TYW1B: variants seen among roughly 807,000 people sequenced by gnomAD.
TYW1B encodes the protein tRNA-yW synthesizing protein 1 homolog B.
A neutral mutation model predicts 86.9 loss-of-function variants in TYW1B; 73 were observed. The ratio of observed to expected loss-of-function variants is 0.84; its 90% CI spans 0.70 to 1.02. TYW1B has a LOEUF of 1.02. Ranked by LOEUF, TYW1B falls within the 50% of genes least tolerant of loss-of-function variation. TYW1B has a pLI of 0.00. For missense variants in TYW1B, 637 were observed against 827.4 expected, an observed-to-expected ratio of 0.77 and a Z score of 2.82; for synonymous variants, 248 against 292.8, an observed-to-expected ratio of 0.85 and a Z score of 1.56.
chr7:72,828,010 G>A (rs1788971601), intron 1 of TYW1B, 62 bp downstream of exon 1: 1 of 1,607,808 alleles, frequency 6.2e-7, no homozygotes, highest in African/African-American at 1.3e-5. Context: ...CCCGGAGAGG[G>A]TCTCAGTAAA....
chr7:72,797,887 A>G (rs1788332331), intron 6 of TYW1B, among the ~76,000 whole-genome samples: 1 of 152,042 alleles, frequency 6.6e-6, no homozygotes, highest in Non-Finnish European at 1.5e-5. Context: ...GTCAGACACT[A>G]ACTCTGGGTA....
intron 2 of TYW1B, among the ~76,000 whole-genome samples, chr7:72,822,554 TG>T (rs1554480658): frequency 6.6e-6 from 1 of 152,244 alleles, no homozygotes; most frequent in African/African-American, 2.4e-5. Flanking sequence ...ACTAACATGC[TG>T]GAAGACAATG....
intron 13 of TYW1B, among the ~76,000 whole-genome samples, chr7:72,587,941 A>G (rs1170183337): frequency 6.6e-6 from 1 of 152,162 alleles, no homozygotes; most frequent in Non-Finnish European, 1.5e-5. Flanking sequence ...TAATTTTGCA[A>G]TGGTGGTTTC....
chr7:72,656,404 C>A (rs1431918186), intron 11 of TYW1B, among the ~76,000 whole-genome samples: 1 of 152,090 alleles, frequency 6.6e-6, no homozygotes, highest in Admixed American at 6.6e-5. Context: ...GATGAGGAAG[C>A]AAGAAAGCAT....
Position 72,611,905 on chromosome 7 carries a change from A to G in TYW1B, c.1785+4767T>C, listed in dbSNP as rs1165032415. 2.0e-5 allele frequency among the ~76,000 whole-genome samples: 3 copies of G among 152,246 alleles called. No individual in the cohort carries two copies. In the East Asian group the frequency reaches 5.8e-4, roughly 29 times the overall value. On this transcript the variant is annotated intron_variant, in intron 13 of 13. Coordinates refer to ENST00000620995, the MANE Select transcript of TYW1B (RefSeq NM_001145440.3). ...AACCACGAGCTCCTTGTGGGTGGGG[A>G]AAGACCAATAAAAGCAGCAGTAACA... is the stretch of plus-strand genomic sequence containing the variant.
intron 10 of TYW1B, among the ~76,000 whole-genome samples, chr7:72,703,661 C>G (rs1814544382): frequency 6.6e-6 from 1 of 151,662 alleles, no homozygotes; most frequent in Non-Finnish European, 1.5e-5. Context: ...TCGAGACCAG[C>G]CTAGCCAACA....
At chr7:72,729,069 G>A (rs1554459319) in intron 8 of TYW1B, 138 bp from the exon 9 acceptor site, 1 of 699,258 alleles carries the variant, frequency 1.4e-6, no homozygotes, top group Non-Finnish European at 2.4e-6. Flanking sequence ...ACGTATAGTG[G>A]TATTTTCCAA....
At chr7:72,593,668 A>G (rs1300258773) in intron 13 of TYW1B, among the ~76,000 whole-genome samples, 5 of 151,264 alleles carry the variant, frequency 3.3e-5, no homozygotes, top group Non-Finnish European at 5.9e-5. Flanking sequence ...TAAAAATACA[A>G]AAAATTAGCA....
intron 11 of TYW1B, among the ~76,000 whole-genome samples, chr7:72,632,931 A>G (rs1422097234): frequency 6.6e-6 from 1 of 152,128 alleles, no homozygotes; most frequent in Non-Finnish European, 1.5e-5. Context: ...CCCAAGCAGT[A>G]GTGAGGTGGG....
chr7:72,824,832 G>A (rs775561861), intron 2 of TYW1B, among the ~76,000 whole-genome samples: 5 of 151,996 alleles, frequency 3.3e-5, no homozygotes. Flanking sequence ...GACTGGGCAC[G>A]GTGGCTCACG....
chr7:72,822,012 G>A (rs1447049764), intron 2 of TYW1B, among the ~76,000 whole-genome samples: 22 of 151,672 alleles, frequency 1.5e-4, no homozygotes, highest in Admixed American at 1.2e-3. Flanking sequence ...TTCAGTAGCC[G>A]AGGCGGGTGA....
At chr7:72,703,024 ATAT>A (rs1467111355) in intron 10 of TYW1B, among the ~76,000 whole-genome samples, 22 of 8,148 alleles carry the variant, frequency 2.7e-3, no homozygotes, top group South Asian at 4.7e-3. Context: ...ATATATATAT[ATAT>A]TTTTTTTTTT....
intron 2 of TYW1B, 120 bp downstream of exon 2, chr7:72,826,735 G>C: frequency 8.0e-7 from 1 of 1,243,758 alleles, no homozygotes; most frequent in South Asian, 1.9e-5. Context: ...TTTATTTTAG[G>C]CATTTCATTA....
chr7:72,777,576 C>A, intron 6 of TYW1B, 43 bp from the exon 7 acceptor site: 1 of 1,608,610 alleles, frequency 6.2e-7, no homozygotes, highest in African/African-American at 1.3e-5. Context: ...TGGCAATGTG[C>A]AATGTAAATA....
intron 13 of TYW1B, among the ~76,000 whole-genome samples, chr7:72,579,105 T>C (rs2129567542): frequency 6.6e-6 from 1 of 152,252 alleles, no homozygotes; most frequent in African/African-American, 2.4e-5. Context: ...TATCTCAATC[T>C]AGTACACGCA....
At chr7:72,797,266 T>A (rs1554474610) in intron 6 of TYW1B, among the ~76,000 whole-genome samples, 1 of 152,178 alleles carries the variant, frequency 6.6e-6, no homozygotes, top group Non-Finnish European at 1.5e-5. Flanking sequence ...GGAAAAGAAG[T>A]ATACTGGAGA....
chr7:72,587,889 G>A (rs1452447207), intron 13 of TYW1B, among the ~76,000 whole-genome samples: 1 of 152,162 alleles, frequency 6.6e-6, no homozygotes, highest in African/African-American at 2.4e-5. Flanking sequence ...TTAGAAGCAA[G>A]ATGCAGTCAG....
At chr7:72,736,417 C>T (rs1176759865) in intron 8 of TYW1B, among the ~76,000 whole-genome samples, 2 of 152,184 alleles carry the variant, frequency 1.3e-5, no homozygotes, top group African/African-American at 4.8e-5. Flanking sequence ...TTTATTACGG[C>T]TAGCAGATAT....
intron 12 of TYW1B, among the ~76,000 whole-genome samples, chr7:72,619,661 A>AC (rs1447359420): frequency 5.3e-5 from 8 of 151,884 alleles, no homozygotes; most frequent in Non-Finnish European, 1.0e-4. Context: ...AAAAAAAAAA[A>AC]AAAAAGAAAT....
Sources: allele counts gnomAD v4.1 joint callset (sites outside exome capture counted in the v4.1 genomes callset), GRCh38; gene constraint gnomAD v4.1.1; transcripts MANE v1.5; gene names NCBI Gene and HGNC (gene_info 2026-07-23, HGNC 2026-07-21).